Variants in KCNH1 observed in about 807,000 individuals in gnomAD.
KCNH1 encodes potassium voltage-gated channel subfamily H member 1.
Under a neutral mutation model 69.2 loss-of-function variants are expected in KCNH1, and 27 were observed. That is an observed-to-expected ratio of 0.39 (90% confidence interval 0.29 to 0.54). KCNH1 has a LOEUF of 0.54. Ranked by LOEUF, KCNH1 falls within the 20% of genes least tolerant of loss-of-function variation. The pLI is 0.68. For missense variants in KCNH1, 798 were observed against 1,261.6 expected, an observed-to-expected ratio of 0.63 and a Z score of 5.57; for synonymous variants, 456 against 487.7, an observed-to-expected ratio of 0.93 and a Z score of 0.86.
At chr1:211,074,627 T>G (rs1463558579) in intron 5 of KCNH1, among the ~76,000 whole-genome samples, 2 of 152,240 alleles carry the variant, frequency 1.3e-5, no homozygotes. Context: ...TTGGCTATGC[T>G]GTGGCACTCA....
At chr1:211,052,680 T>C (rs188773744) in intron 5 of KCNH1, among the ~76,000 whole-genome samples, 1 of 152,318 alleles carries the variant, frequency 6.6e-6, no homozygotes, top group Non-Finnish European at 1.5e-5. Flanking sequence ...TTTTTGCTCA[T>C]GGAAATCCTA....
chr1:210,875,793 A>G (rs1298262931), intron 7 of KCNH1, among the ~76,000 whole-genome samples: 1 of 143,568 alleles, frequency 7.0e-6, no homozygotes, highest in African/African-American at 2.7e-5. Context: ...ACAGAGCAAG[A>G]CACTTTCTCA....
Position 210,710,221 on chromosome 1 carries a change from A to G in KCNH1, c.2113-26083T>C, listed in dbSNP as rs557898566. 2.6e-5 allele frequency among the ~76,000 whole-genome samples: 4 copies of G among 151,936 alleles called. No homozygotes were observed. The East Asian group carries it at 7.8e-4, about 29-fold the overall frequency. Reference sequence around the variant, plus strand: ...AAGGTAGAGTAAAAACACAATATAAAAGATAAAAAAAATACCACACCTGTA... The same window carrying G: ...AAGGTAGAGTAAAAACACAATATAAGAGATAAAAAAAATACCACACCTGTA... On this transcript the variant is annotated intron_variant, in intron 10 of 10. Transcript: ENST00000271751.
At chr1:210,701,601 C>T (rs977745799) in intron 10 of KCNH1, among the ~76,000 whole-genome samples, 18 of 152,098 alleles carry the variant, frequency 1.2e-4, no homozygotes, top group African/African-American at 4.3e-4. Context: ...AATATAACCC[C>T]TTCTTTTCCC....
At chr1:210,697,685 G>T (rs1202257961) in intron 10 of KCNH1, among the ~76,000 whole-genome samples, 2 of 152,242 alleles carry the variant, frequency 1.3e-5, no homozygotes, top group Non-Finnish European at 2.9e-5. Flanking sequence ...GGGGGAGGTT[G>T]TATCCTTCTG....
rs548662689 is a variant in KCNH1, at chr1:210,707,759, C to T, written c.2113-23621G>A. ...AAAGATGAAACTCCTACAGCCAGGC[C>T]ATTCCCTCCTCTTAGGAACCTATAA... On this transcript the variant is annotated intron_variant, in intron 10 of 10. Coordinates refer to ENST00000271751, the MANE Select transcript of KCNH1 (RefSeq NM_172362.3). Among the ~76,000 whole-genome samples the T allele has an allele frequency of 6.6e-4, 100 of 152,268 alleles. No individual in the cohort carries two copies. In the South Asian group the frequency reaches 7.5e-3, roughly 11 times the overall value.
chr1:211,072,539 G>A (rs549156276), intron 5 of KCNH1, among the ~76,000 whole-genome samples: 1 of 152,256 alleles, frequency 6.6e-6, no homozygotes, highest in East Asian at 1.9e-4. Context: ...AATTATGCTT[G>A]TATATGTGTG....
chr1:211,010,082 A>T (rs1689365627), intron 6 of KCNH1, among the ~76,000 whole-genome samples: 2 of 152,166 alleles, frequency 1.3e-5, no homozygotes, highest in South Asian at 4.1e-4. Context: ...GCTGAAGTCA[A>T]TCTGCACAAT....
At chr1:210,996,255 A>G (rs6699049) in intron 6 of KCNH1, among the ~76,000 whole-genome samples, 117,461 of 152,032 alleles carry the variant, frequency 0.77, 46,088 homozygotes, top group African/African-American at 0.89. Context: ...GGTGACAGAC[A>G]GCACCTGGAA....
At chr1:210,953,298 C>G (rs1335476710) in intron 6 of KCNH1, among the ~76,000 whole-genome samples, 1 of 152,202 alleles carries the variant, frequency 6.6e-6, no homozygotes, top group East Asian at 1.9e-4. Flanking sequence ...CACACTTGGC[C>G]TCAACCTCCT....
At chr1:210,762,254 C>G (rs1465895399) in intron 10 of KCNH1, among the ~76,000 whole-genome samples, 1 of 152,068 alleles carries the variant, frequency 6.6e-6, no homozygotes, top group African/African-American at 2.4e-5. Context: ...GTTTATAGTT[C>G]TAAATGCCTA....
At chr1:211,033,774 G>T (rs1689840864) in intron 5 of KCNH1, among the ~76,000 whole-genome samples, 1 of 152,094 alleles carries the variant, frequency 6.6e-6, no homozygotes, top group African/African-American at 2.4e-5. Context: ...TGGGGTGGGG[G>T]GAGTGGGGAG....
At chr1:211,035,233 A>ATTTTT (rs1689872542) in intron 5 of KCNH1, among the ~76,000 whole-genome samples, 3 of 104,772 alleles carry the variant, frequency 2.9e-5, no homozygotes, top group Non-Finnish European at 5.7e-5. Context: ...GGGTACTGGC[A>ATTTTT]TTCTTTTTTT....
intron 1 of KCNH1, among the ~76,000 whole-genome samples, chr1:211,123,650 G>A (rs574852636): frequency 4.6e-5 from 7 of 152,298 alleles, no homozygotes; most frequent in African/African-American, 1.7e-4. Context: ...GACAGATGGA[G>A]AAAGGAGAGG....
chr1:210,835,771 G>C (rs1022661158), intron 7 of KCNH1, among the ~76,000 whole-genome samples: 2 of 152,048 alleles, frequency 1.3e-5, no homozygotes, highest in African/African-American at 4.8e-5. Flanking sequence ...TGGAGAAGAG[G>C]ACAATTGAAC....
intron 1 of KCNH1, among the ~76,000 whole-genome samples, chr1:211,129,245 C>A (rs74159609): frequency 3.3e-5 from 5 of 152,178 alleles, no homozygotes; most frequent in Admixed American, 2.0e-4. Context: ...TGTTTGTTTA[C>A]AAGCCATTAA....
rs1035195567 is a variant in KCNH1 at position 210,972,212 on chromosome 1, G to A, written c.1032+46571C>T. Among the ~76,000 whole-genome samples the A allele has an allele frequency of 4.6e-5, 7 of 151,986 alleles. No homozygotes were observed. The South Asian group carries it at 1.3e-3, about 27-fold the overall frequency. Reference sequence around the variant, plus strand: ...TGAATCATGCTTTATGAGTTACAAAGCATTTTTTAATATAGTATCTCTTGA... The same window carrying A: ...TGAATCATGCTTTATGAGTTACAAAACATTTTTTAATATAGTATCTCTTGA... On this transcript the variant is annotated intron_variant, in intron 6 of 10. Coordinates refer to ENST00000271751, the MANE Select transcript of KCNH1 (RefSeq NM_172362.3).
intron 7 of KCNH1, among the ~76,000 whole-genome samples, chr1:210,809,283 T>C (rs1684650200): frequency 6.6e-6 from 1 of 152,152 alleles, no homozygotes; most frequent in South Asian, 2.1e-4. Flanking sequence ...GTGTGAATCT[T>C]TCCTGTGAAC....
At chr1:211,083,731 T>C (rs1558597678) in intron 4 of KCNH1, among the ~76,000 whole-genome samples, 1 of 152,220 alleles carries the variant, frequency 6.6e-6, no homozygotes, top group East Asian at 1.9e-4. Flanking sequence ...AGCATGCAAC[T>C]ATTTTTACAT....
Sources: allele counts gnomAD v4.1 joint callset (sites outside exome capture counted in the v4.1 genomes callset), GRCh38; gene constraint gnomAD v4.1.1; transcripts MANE v1.5; gene names NCBI Gene and HGNC (gene_info 2026-07-23, HGNC 2026-07-21).